Variants in MAEL observed in about 807,000 individuals in gnomAD.
The protein encoded by MAEL is maelstrom spermatogenic transposon silencer, also known as protein maelstrom homolog.
A neutral mutation model predicts 62.0 loss-of-function variants in MAEL; 46 were observed. The ratio of observed to expected loss-of-function variants is 0.74; its 90% confidence interval spans 0.59 to 0.95. The LOEUF is 0.95. Ranked by LOEUF, MAEL falls within the 40% of genes least tolerant of loss-of-function variation. MAEL has a pLI of 0.00. For synonymous variants in MAEL, 172 were observed against 175.5 expected (o/e 0.98, Z 0.16); for missense variants, 497 against 526.8 (o/e 0.94, Z 0.55).
In MAEL at chr1:167,007,658, A is replaced by G. The variant is rs887334989; in HGVS notation, c.845+2261A>G. Among the ~76,000 whole-genome samples the G allele has an allele frequency of 3.3e-5, 5 of 150,770 alleles. No homozygotes were observed. The East Asian group carries it at 7.8e-4, about 23-fold the overall frequency. On this transcript the variant is annotated intron_variant, in intron 8 of 11. Transcript: ENST00000367872. ...GCTAGGTCTCTCAATCTTTTTATCC[A>G]TCTCTATCTTATCATGAGTTCACAC...
chr1:167,008,868 A>T lies in MAEL; in HGVS notation c.845+3471A>T, dbSNP rs569555853. On this transcript the variant is annotated intron_variant, in intron 8 of 11. Coordinates refer to ENST00000367872, the MANE Select transcript of MAEL (RefSeq NM_032858.3). The stretch of plus-strand genomic sequence containing the variant: ...GGACTTTCTGCATTTTGTTTCTTTT[A>T]GTAAATTCCAGTGTTTTTACATTGT... 1.6e-3 allele frequency among the ~76,000 whole-genome samples: 245 copies of T among 152,226 alleles called. 3 individuals carry two copies. Among genetic ancestry groups the T allele is most frequent in the African/African-American group, 5.6e-3 (234 of 41,570 alleles).
intron 5 of MAEL, among the ~76,000 whole-genome samples, chr1:166,999,352 A>C (rs1664565522): frequency 6.6e-6 from 1 of 152,210 alleles, no homozygotes; most frequent in Admixed American, 6.5e-5. Context: ...GATATGAAGA[A>C]AGTTTTAGTG....
chr1:167,013,825 T>C (rs1320506462), intron 8 of MAEL, among the ~76,000 whole-genome samples: 1 of 152,186 alleles, frequency 6.6e-6, no homozygotes, highest in Admixed American at 6.5e-5. Flanking sequence ...GGAGGCAAAA[T>C]CCTAAATGCT....
intron 4 of MAEL, among the ~76,000 whole-genome samples, chr1:166,993,217 T>C (rs1402506020): frequency 1.3e-5 from 2 of 152,206 alleles, no homozygotes; most frequent in Non-Finnish European, 2.9e-5. Context: ...GCTATTGCTT[T>C]GTAGCCTTGA....
Position 167,005,115 on chromosome 1 carries a change from A to G in MAEL, c.688A>G (p.Met230Val). The change falls in exon 7 of 12, where the codon ATG becomes GTG. Residue 230 changes from methionine (M) to valine (V), a missense_variant. By Grantham distance (21) the Met-to-Val change is conservative. Transcript: ENST00000367872. ...CAGAGTCAACTGGTGTTTGAAGCATATGGCAAAGGCATCAGGTAAGTAAAA... is the reference window on the plus strand; with the variant it reads ...CAGAGTCAACTGGTGTTTGAAGCATGTGGCAAAGGCATCAGGTAAGTAAAA... Reference protein sequence around the residue: ...RTRVNWCLKHMAKASEIRQDL... With the variant: ...RTRVNWCLKHVAKASEIRQDL... The G allele has an allele frequency of 1.9e-6, 3 of 1,613,718 alleles. No homozygotes were observed. Among genetic ancestry groups the G allele is most frequent in the Non-Finnish European group, 2.5e-6 (3 of 1,179,776 alleles).
intron 10 of MAEL, among the ~76,000 whole-genome samples, chr1:167,020,815 A>T (rs1665593975): frequency 6.6e-6 from 1 of 151,790 alleles, no homozygotes; most frequent in African/African-American, 2.4e-5. Flanking sequence ...ATCATCAGGG[A>T]TTCCCTCTGT....
rs1571261336 is a variant in MAEL at position 167,004,387 on chromosome 1, A to T, written c.648+83A>T. 5.3e-6 allele frequency: 7 copies of T among 1,323,736 alleles called. No individual in the cohort carries two copies. The East Asian group carries it at 1.7e-4, about 32-fold the overall frequency. The allele number at this position is 1,323,736 out of a possible 1,614,324, so 82.0% of individuals were successfully genotyped here. A position where few individuals can be genotyped will look rare whatever the true frequency, so the allele number is the denominator to read the frequency against. ...TAAAACAAAGAATTTTTGCCTGTGT[A>T]TTTTTGTCTGTATATTGTGTGTCTT... On this transcript the variant is annotated intron_variant, in intron 6 of 11. Coordinates refer to ENST00000367872, the MANE Select transcript of MAEL (RefSeq NM_032858.3).
chr1:166,993,366 C>CTCT (rs59781184), intron 4 of MAEL, among the ~76,000 whole-genome samples: 12,472 of 152,156 alleles, frequency 0.082, 1,207 homozygotes, highest in African/African-American at 0.24. Flanking sequence ...TTATCAGCAT[C>CTCT]TCTTCCTACT....
At chr1:167,011,822 A>T (rs1251971440) in intron 8 of MAEL, among the ~76,000 whole-genome samples, 3 of 152,178 alleles carry the variant, frequency 2.0e-5, no homozygotes, top group African/African-American at 4.8e-5. Flanking sequence ...TTCAATTGTA[A>T]GATGCATTCT....
At chr1:167,000,194 C>T (rs1321292399) in intron 5 of MAEL, among the ~76,000 whole-genome samples, 1 of 152,104 alleles carries the variant, frequency 6.6e-6, no homozygotes, top group African/African-American at 2.4e-5. Context: ...TCTTATGAAT[C>T]TAAGCAAAGT....
chr1:166,977,956 A>G (rs77497192), intron 1 of MAEL, among the ~76,000 whole-genome samples: 9 of 151,960 alleles, frequency 5.9e-5, no homozygotes, highest in Admixed American at 2.6e-4. Context: ...GTCTCAAAAA[A>G]AATGGCATTT....
chr1:166,976,469 G>A (rs1284964027), intron 1 of MAEL, among the ~76,000 whole-genome samples: 1 of 152,154 alleles, frequency 6.6e-6, no homozygotes, highest in Non-Finnish European at 1.5e-5. Flanking sequence ...AGTAAAACGG[G>A]GCAAGTGCAA....
chr1:166,998,689 T>G (rs1664531178), intron 5 of MAEL, among the ~76,000 whole-genome samples: 1 of 151,564 alleles, frequency 6.6e-6, no homozygotes. Flanking sequence ...TCCCTCTACA[T>G]GCACACCTTG....
chr1:166,980,701 T>G (rs993118021), intron 1 of MAEL, among the ~76,000 whole-genome samples: 2 of 152,210 alleles, frequency 1.3e-5, no homozygotes, highest in Non-Finnish European at 2.9e-5. Context: ...TGCTTTTGTT[T>G]CTGTTTTTAT....
intron 2 of MAEL, chr1:166,990,667 G>GA (rs918714724): frequency 2.8e-4 from 41 of 147,628 alleles, no homozygotes; most frequent in African/African-American, 5.2e-4. Context: ...TCAAAAAAAA[G>GA]AAAAAAAAAA....
Position 166,989,795 on chromosome 1 carries a change from C to T in MAEL, c.191C>T (p.Ala64Val), listed in dbSNP as rs1325009195. 2 of 1,613,800 alleles carry T rather than the reference C, an allele frequency of 1.2e-6. No homozygotes were observed. Among genetic ancestry groups the T allele is most frequent in the African/African-American group, 2.7e-5 (2 of 74,886 alleles). The change falls in exon 2 of 12, where the codon GCT becomes GTT. Residue 64 changes from alanine to valine, a missense_variant. Coordinates refer to ENST00000367872, the MANE Select transcript of MAEL (RefSeq NM_032858.3). ...GAAATGGCTCGAGAATGGAGGGCCG[C>T]TCAGGGAAAGGACCCTGGGCCCTCA... is the stretch of plus-strand genomic sequence containing the variant. ...YAEMAREWRAAQGKDPGPSEK... is the reference protein window; with the variant it reads ...YAEMAREWRAVQGKDPGPSEK...
intron 5 of MAEL, among the ~76,000 whole-genome samples, chr1:167,002,416 T>C (rs1664708945): frequency 6.6e-6 from 1 of 152,224 alleles, no homozygotes; most frequent in South Asian, 2.1e-4. Context: ...GGATCTTCTT[T>C]TTGGAGTTGA....
chr1:166,989,728 C>A lies in MAEL; in HGVS notation c.133-9C>A, dbSNP rs1412494866. On this transcript the variant is annotated splice_polypyrimidine_tract_variant and intron_variant, in intron 1 of 11. Transcript: ENST00000367872. ...TGTTTCTCTTCTTTGCTCCTTCAAT[C>A]CCCAAAAGCTTCTGAGGGAGGAAGA... 1.9e-6 allele frequency: 3 copies of A among 1,612,404 alleles called. No homozygotes were observed. The South Asian group carries it at 3.3e-5, about 18-fold the overall frequency.
intron 1 of MAEL, among the ~76,000 whole-genome samples, chr1:166,980,357 A>G (rs1307255453): frequency 1.3e-5 from 2 of 152,076 alleles, no homozygotes; most frequent in Non-Finnish European, 2.9e-5. Flanking sequence ...ATATTTCTAT[A>G]ATATAGGAAA....
Sources: allele counts gnomAD v4.1 joint callset (sites outside exome capture counted in the v4.1 genomes callset), GRCh38; gene constraint gnomAD v4.1.1; transcripts MANE v1.5; gene names NCBI Gene and HGNC (gene_info 2026-07-23, HGNC 2026-07-21).